Variants in TMC5 observed in about 807,000 individuals in gnomAD.
TMC5 encodes transmembrane channel like 5, also known as transmembrane channel-like protein 5.
Under a neutral mutation model 110.5 loss-of-function variants are expected in TMC5, and 86 were observed. That is an observed-to-expected ratio of 0.78 (90% CI 0.65 to 0.93). The LOEUF (loss-of-function observed/expected upper bound fraction) is 0.93, where lower values mean the gene tolerates loss of function less well. TMC5 is among the 40% of genes least tolerant of loss of function. The probability of loss-of-function intolerance (pLI) is 0.00; values close to 1 mark genes in which losing one functional copy is unlikely to be tolerated. For synonymous variants in TMC5, 455 were observed against 439.5 expected (o/e 1.04, Z -0.44); for missense variants, 1,144 against 1,222.8 (o/e 0.94, Z 0.96).
intron 1 of TMC5, among the ~76,000 whole-genome samples, chr16:19,419,332 T>G (rs954590350): frequency 7.9e-5 from 12 of 151,970 alleles, no homozygotes; most frequent in African/African-American, 2.9e-4. Flanking sequence ...TTATTATTAT[T>G]GTTATTGTTT....
rs1228658901 is a variant in TMC5 at position 19,460,311 on chromosome 16, C to A, written c.1125C>A (p.Thr375=). ...AAGCCATCAGGAACCAGCCAAGGAC[C>A]ATGGAAGAGAAAAGGAACCTTAGGT... ...RIKAIRNQPR[T]MEEKRNLRKI... Residue 375 remains threonine (T), a synonymous_variant, in exon 6 of 22, where the codon ACC becomes ACA. Coordinates refer to ENST00000542583, the MANE Select transcript of TMC5 (RefSeq NM_001261841.2). 1 of 1,613,464 alleles carries A rather than the reference C, an allele frequency of 6.2e-7. No homozygotes were observed. Among genetic ancestry groups the A allele is most frequent in the Non-Finnish European group, 8.5e-7 (1 of 1,179,672 alleles).
chr16:19,448,091 G>A (rs1053673820), intron 4 of TMC5, among the ~76,000 whole-genome samples: 1 of 151,020 alleles, frequency 6.6e-6, no homozygotes, highest in Admixed American at 6.6e-5. Flanking sequence ...GGGAGGCAGA[G>A]GTTGCAGTGA....
chr16:19,474,392 C>T, intron 12 of TMC5, 116 bp downstream of exon 12: 1 of 1,257,194 alleles, frequency 8.0e-7, no homozygotes. Context: ...GGAAGAATTT[C>T]AAAAGTAAGG....
At chr16:19,412,985 A>G (rs1966860052), upstream of TMC5, among the ~76,000 whole-genome samples, 1 of 152,030 alleles carries the variant, frequency 6.6e-6, no homozygotes, top group African/African-American at 2.4e-5. Context: ...CTGGGACTAC[A>G]GGTGCTCGCC....
At chr16:19,457,057 A>C (rs976943190) in intron 5 of TMC5, 30 of 1,531,718 alleles carry the variant, frequency 2.0e-5, no homozygotes, top group Non-Finnish European at 2.7e-5. Flanking sequence ...GAGTAGGAAA[A>C]AAGGCTTCCT....
In TMC5 at chr16:19,439,980, C is replaced by A; in HGVS notation, c.-59C>A. ...TTCAGGTGAAAAAAAAAAAAGATCCCTGAGTAATTGCAAATGCTGGGACAG... is the reference window on the plus strand; with the variant it reads ...TTCAGGTGAAAAAAAAAAAAGATCCATGAGTAATTGCAAATGCTGGGACAG... On this transcript the variant is annotated 5_prime_UTR_variant, in exon 3 of 22. The change creates a new upstream start codon in the 5' untranslated region. Transcript: ENST00000542583. 1.4e-6 allele frequency: 2 copies of A among 1,388,338 alleles called. No homozygotes were observed. Among genetic ancestry groups the A allele is most frequent in the Non-Finnish European group, 2.0e-6 (2 of 1,018,676 alleles). 86.0% of individuals were successfully genotyped at this position (1,388,338 alleles called of 1,614,324 possible). A position where few individuals can be genotyped will look rare whatever the true frequency, so the allele number is the denominator to read the frequency against.
At chr16:19,458,362 C>T (rs964618618) in intron 5 of TMC5, among the ~76,000 whole-genome samples, 6 of 152,060 alleles carry the variant, frequency 3.9e-5, no homozygotes, top group Non-Finnish European at 8.8e-5. Flanking sequence ...AGGCACCTGA[C>T]ACCACGCCTG....
At position 19,466,181 on chromosome 16, in the gene TMC5, A is replaced by C; in HGVS notation, c.1585A>C (p.Ile529Leu). Residue 529 changes from isoleucine to leucine, a missense_variant, in exon 9 of 22, where the codon ATC becomes CTC. Coordinates refer to ENST00000542583, the MANE Select transcript of TMC5 (RefSeq NM_001261841.2). ...ATCCTACAACATGCAGCTGGCCTAC[A>C]TCTTCACAATCGGAGCATGCTTGAC... ...GASYNMQLAY[I>L]FTIGACLTTC... 1 of 1,614,084 alleles carries C rather than the reference A, an allele frequency of 6.2e-7. No homozygotes were observed. The highest frequency in any genetic ancestry group is 8.5e-7 in the Non-Finnish European group (1 of 1,180,022).
intron 4 of TMC5, among the ~76,000 whole-genome samples, chr16:19,448,149 C>CA (rs36050231): frequency 0.049 from 3,760 of 76,254 alleles, 53 homozygotes; most frequent in Non-Finnish European, 0.064. Context: ...GAGCAAGTCT[C>CA]AAAAAAAAAA....
rs150794938 is a variant in TMC5 at position 19,436,130 on chromosome 16, C to T, written c.-79-3830C>T. Among the ~76,000 whole-genome samples, 626 of 151,970 alleles carry T rather than the reference C, an allele frequency of 4.1e-3. 6 individuals are homozygous for T. The highest frequency in any genetic ancestry group is 0.014 in the African/African-American group (575 of 41,474). Reference sequence around the variant, plus strand: ...TGCAAAAATTAGCAGGGCATGGTGGCGGGCACCTGTAATCCCAGCTCCTCG... The same window carrying T: ...TGCAAAAATTAGCAGGGCATGGTGGTGGGCACCTGTAATCCCAGCTCCTCG... On this transcript the variant is annotated intron_variant, in intron 2 of 21. Coordinates refer to ENST00000542583, the MANE Select transcript of TMC5 (RefSeq NM_001261841.2).
intron 5 of TMC5, among the ~76,000 whole-genome samples, chr16:19,452,702 G>C (rs565212379): frequency 6.6e-6 from 1 of 152,234 alleles, no homozygotes; most frequent in Non-Finnish European, 1.5e-5. Flanking sequence ...CTAATAGACA[G>C]GTTGGGGAAA....
Position 19,443,963 on chromosome 16 carries a change from G to A in TMC5, c.789-118G>A, listed in dbSNP as rs1025144513. 3.1e-5 allele frequency: 33 copies of A among 1,078,454 alleles called. No homozygotes were observed. The African/African-American group carries it at 3.2e-4, about 11-fold the overall frequency. The allele number at this position is 1,078,454 out of a possible 1,614,324, so 66.8% of individuals were successfully genotyped here. On this transcript the variant is annotated intron_variant, in intron 3 of 21. Transcript: ENST00000542583. ...TGGATGGATGGATGGATGGATAAAT[G>A]GATGGATAAATAAATGGATGAATAC...
At chr16:19,441,107 T>C (rs1010142540) in intron 3 of TMC5, among the ~76,000 whole-genome samples, 5 of 151,318 alleles carry the variant, frequency 3.3e-5, no homozygotes, top group African/African-American at 1.2e-4. Context: ...CTGTAAGACA[T>C]CTAGATCCAC....
intron 18 of TMC5, 94 bp downstream of exon 18, chr16:19,490,662 A>G (rs2143753186): frequency 8.1e-7 from 1 of 1,229,128 alleles, no homozygotes; most frequent in South Asian, 1.3e-5. Flanking sequence ...AAATGGCTAT[A>G]GCATAGCTCA....
chr16:19,412,912 G>T (rs992764350), upstream of TMC5, among the ~76,000 whole-genome samples: 2 of 152,120 alleles, frequency 1.3e-5, no homozygotes, highest in East Asian at 3.9e-4. Context: ...TGGCACAATT[G>T]TAGCTCACTG....
chr16:19,463,512 C>T (rs1040620328), intron 7 of TMC5, 145 bp downstream of exon 7: 16 of 849,810 alleles, frequency 1.9e-5, no homozygotes, highest in Non-Finnish European at 1.9e-5. Context: ...TGTGGAAAAG[C>T]GAGGTGGGCA....
intron 17 of TMC5, 99 bp from the exon 18 acceptor site, chr16:19,490,296 G>A (rs1479652476): frequency 8.3e-7 from 1 of 1,202,078 alleles, no homozygotes; most frequent in East Asian, 2.3e-5. Context: ...GGCAAGACTT[G>A]ATGTTTTCAG....
rs895938670 is a variant in TMC5 at position 19,420,269 on chromosome 16, C to CA, written c.-308+2186dup. 2.1e-4 allele frequency among the ~76,000 whole-genome samples: 32 copies of CA among 150,518 alleles called. No individual in the cohort carries two copies. In the East Asian group the frequency reaches 2.3e-3, roughly 11 times the overall value. On this transcript the variant is annotated intron_variant, in intron 1 of 21. Transcript: ENST00000542583. ...GTGAAACCCTGTCTCTACTAAAACA[C>CA]AAAAAAAAATTAGCCAGGCATGGTG...
intron 10 of TMC5, among the ~76,000 whole-genome samples, chr16:19,471,355 T>G (rs1255146603): frequency 6.6e-6 from 1 of 152,056 alleles, no homozygotes; most frequent in Non-Finnish European, 1.5e-5. Context: ...CCTCCCAACA[T>G]GCTGGAAATT....
Sources: allele counts gnomAD v4.1 joint callset (sites outside exome capture counted in the v4.1 genomes callset), GRCh38; gene constraint gnomAD v4.1.1; transcripts MANE v1.5; gene names NCBI Gene and HGNC (gene_info 2026-07-23, HGNC 2026-07-21).